Variants in CSNK1A1 observed in about 807,000 individuals in gnomAD.
CSNK1A1 encodes the protein casein kinase 1 alpha 1.
CSNK1A1 carries 7 observed loss-of-function variants against 46.1 expected under a neutral mutation model. The ratio of observed to expected loss-of-function variants is 0.15; its 90% CI spans 0.09 to 0.29. The LOEUF is 0.29. Ranked by LOEUF, CSNK1A1 falls within the 10% of genes least tolerant of loss-of-function variation. The pLI, the probability that CSNK1A1 is intolerant of heterozygous loss-of-function variation, is 1.00. For synonymous variants in CSNK1A1, 137 were observed against 141.5 expected, an observed-to-expected ratio of 0.97 and a Z score of 0.23; for missense variants, 96 against 417.1, an observed-to-expected ratio of 0.23 and a Z score of 6.71.
intron 2 of CSNK1A1, among the ~76,000 whole-genome samples, chr5:149,544,340 C>G (rs1762395447): frequency 6.6e-6 from 1 of 152,016 alleles, no homozygotes; most frequent in Admixed American, 6.6e-5. Flanking sequence ...CAAAACCTAT[C>G]TAGATAAAGA....
chr5:149,513,896 T>C (rs1761314683), intron 4 of CSNK1A1, among the ~76,000 whole-genome samples: 1 of 137,558 alleles, frequency 7.3e-6, no homozygotes, highest in Admixed American at 8.1e-5. Flanking sequence ...CAAAACTCTT[T>C]CTTAAAAAAA....
At chr5:149,503,283 G>A (rs1038121272) in intron 9 of CSNK1A1, 86 of 985,280 alleles carry the variant, frequency 8.7e-5, no homozygotes, top group South Asian at 3.8e-4. Context: ...AGGCCCGAAG[G>A]CCAGCTACAT....
At chr5:149,529,389 A>T (rs1267626676) in intron 2 of CSNK1A1, among the ~76,000 whole-genome samples, 1 of 152,258 alleles carries the variant, frequency 6.6e-6, no homozygotes, top group African/African-American at 2.4e-5. Flanking sequence ...TATCCAAATT[A>T]AATCCAATTT....
intron 2 of CSNK1A1, among the ~76,000 whole-genome samples, chr5:149,526,355 CAG>C (rs1761725208): frequency 6.6e-6 from 1 of 152,090 alleles, no homozygotes. Flanking sequence ...CTTGTAAAGG[CAG>C]AGTCTCCCTA....
Position 149,496,749 on chromosome 5 carries a change from A to C in CSNK1A1, c.*104T>G. 6.8e-7 allele frequency: 1 copy of C among 1,471,120 alleles called. No individual in the cohort carries two copies. The highest frequency in any genetic ancestry group is 1.3e-5 in the South Asian group (1 of 75,352). The allele number at this position is 1,471,120 out of a possible 1,614,324, so 91.1% of individuals were successfully genotyped here. On this transcript the variant is annotated 3_prime_UTR_variant, in exon 10 of 10. Coordinates refer to ENST00000377843, the MANE Select transcript of CSNK1A1 (RefSeq NM_001892.6). ...CTTTACACCAAGTAAATGGTTGTCC[A>C]CAACCACTGGCTAGTGTACATATGA...
rs564419195 is a variant in CSNK1A1, at chr5:149,529,945, G to GA, written c.231-4775dup. ...TCTTCATGAAAATGGGAGTATTTGAGAAAAAAAATACATATTTTTCATATA... is the reference window on the plus strand; with the variant it reads ...TCTTCATGAAAATGGGAGTATTTGAGAAAAAAAAATACATATTTTTCATATA... On this transcript the variant is annotated intron_variant, in intron 2 of 9. Transcript: ENST00000377843. Among the ~76,000 whole-genome samples, 190 of 151,406 alleles carry GA rather than the reference G, an allele frequency of 1.3e-3. 2 individuals are homozygous for GA. Among genetic ancestry groups the GA allele is most frequent in the African/African-American group, 4.4e-3 (181 of 41,318 alleles).
At chr5:149,515,714 T>C (rs893753262) in intron 4 of CSNK1A1, among the ~76,000 whole-genome samples, 2 of 152,180 alleles carry the variant, frequency 1.3e-5, no homozygotes, top group African/African-American at 2.4e-5. Context: ...TCTGTATGCT[T>C]TGCTGTTTAA....
At position 149,513,228 on chromosome 5, in the gene CSNK1A1, G is replaced by A; in HGVS notation, c.457-19C>T. ...GGAATAACTTTAAAAGAGAAATACA[G>A]AAACATTAGGTTTCCAACCTTGTTC... is the stretch of plus-strand genomic sequence containing the variant. On this transcript the variant is annotated intron_variant, in intron 4 of 9. Transcript: ENST00000377843. 5 of 1,605,302 alleles carry A rather than the reference G, an allele frequency of 3.1e-6. No individual in the cohort carries two copies. Among genetic ancestry groups the A allele is most frequent in the Non-Finnish European group, 3.4e-6 (4 of 1,175,188 alleles).
At chr5:149,505,902 T>C (rs1383354921) in intron 8 of CSNK1A1, among the ~76,000 whole-genome samples, 2 of 152,112 alleles carry the variant, frequency 1.3e-5, no homozygotes, top group Admixed American at 6.6e-5. Flanking sequence ...AAGACACTTT[T>C]CTGGGGTTAA....
chr5:149,511,947 A>G lies in CSNK1A1; in HGVS notation c.597-75T>C, dbSNP rs1761235226. On this transcript the variant is annotated intron_variant, in intron 5 of 9. Coordinates refer to ENST00000377843, the MANE Select transcript of CSNK1A1 (RefSeq NM_001892.6). ...ACATATGAAAGAAAGTCAAGTACCC[A>G]GAAGAAATGTTCCCAAATGAGGAGG... The G allele has an allele frequency of 6.3e-6, 7 of 1,119,400 alleles. No individual in the cohort carries two copies. The Middle Eastern group carries it at 1.1e-3, about 172-fold the overall frequency. The allele number at this position is 1,119,400 out of a possible 1,614,324, so 69.3% of individuals were successfully genotyped here.
intron 2 of CSNK1A1, among the ~76,000 whole-genome samples, chr5:149,533,166 C>CA (rs879928753): frequency 6.6e-5 from 10 of 151,818 alleles, no homozygotes; most frequent in South Asian, 4.2e-4. Flanking sequence ...TAAAAACAAA[C>CA]AAAAAAAACT....
At chr5:149,504,691 C>T (rs924570602) in intron 9 of CSNK1A1, 1 of 985,422 alleles carries the variant, frequency 1.0e-6, no homozygotes. Context: ...CTTCAATTTG[C>T]AAGGCCTGGC....
At chr5:149,523,056 T>TG (rs1561761684) in intron 3 of CSNK1A1, among the ~76,000 whole-genome samples, 1 of 151,756 alleles carries the variant, frequency 6.6e-6, no homozygotes, top group African/African-American at 2.4e-5. Context: ...TTTTTTTTTT[T>TG]TTGAGACAGA....
chr5:149,505,322 T>TA (rs1760988333), intron 9 of CSNK1A1, 125 bp downstream of exon 9: 3 of 1,428,954 alleles, frequency 2.1e-6, no homozygotes, highest in Non-Finnish European at 2.8e-6. Flanking sequence ...TTTTTTTTTT[T>TA]AACGCAGAGC....
At chr5:149,534,051 A>C (rs1761978054) in intron 2 of CSNK1A1, among the ~76,000 whole-genome samples, 1 of 152,228 alleles carries the variant, frequency 6.6e-6, no homozygotes, top group East Asian at 1.9e-4. Context: ...AACAAACTGT[A>C]CAGCTTAAAT....
chr5:149,511,945 C>A, intron 5 of CSNK1A1, 73 bp from the exon 6 acceptor site: 3 of 1,162,310 alleles, frequency 2.6e-6, no homozygotes, highest in South Asian at 1.4e-5. Context: ...AGTCAAGTAC[C>A]CAGAAGAAAT....
intron 4 of CSNK1A1, among the ~76,000 whole-genome samples, chr5:149,515,142 T>C (rs1472534498): frequency 6.6e-6 from 1 of 152,204 alleles, no homozygotes; most frequent in Non-Finnish European, 1.5e-5. Flanking sequence ...CTTCATGGTA[T>C]TTAAAAAATA....
intron 2 of CSNK1A1, among the ~76,000 whole-genome samples, chr5:149,529,361 T>C (rs2113137977): frequency 6.6e-6 from 1 of 152,310 alleles, no homozygotes; most frequent in South Asian, 2.1e-4. Flanking sequence ...TGCTCTTATG[T>C]CCTTTCCTCT....
rs751956369 is a variant in CSNK1A1, at chr5:149,496,846, T to C, written c.*7A>G. ...CTGCTCTGCTTCTTCTGTTCCTCAA[T>C]TCATGCTTAGAAACCTGGTAAAAAA... On this transcript the variant is annotated 3_prime_UTR_variant, in exon 10 of 10. Coordinates refer to ENST00000377843, the MANE Select transcript of CSNK1A1 (RefSeq NM_001892.6). 3 of 1,557,102 alleles carry C rather than the reference T, an allele frequency of 1.9e-6. No individual in the cohort carries two copies. The highest frequency in any genetic ancestry group is 2.7e-5 in the African/African-American group (2 of 73,328).
Sources: allele counts gnomAD v4.1 joint callset (sites outside exome capture counted in the v4.1 genomes callset), GRCh38; gene constraint gnomAD v4.1.1; transcripts MANE v1.5; gene names NCBI Gene and HGNC (gene_info 2026-07-23, HGNC 2026-07-21).